Variants in PTPRO observed in about 807,000 individuals in gnomAD.
PTPRO encodes the protein protein tyrosine phosphatase receptor type O.
In PTPRO, 62 loss-of-function variants were observed where a neutral mutation model predicts 145.2. The observed-to-expected ratio is 0.43, with a 90% CI of 0.35 to 0.53. PTPRO has a LOEUF of 0.53. Ranked by LOEUF, PTPRO falls within the 20% of genes least tolerant of loss-of-function variation. The pLI, the probability that PTPRO is intolerant of heterozygous loss-of-function variation, is 0.01. For synonymous variants in PTPRO, 565 were observed against 514.7 expected, an observed-to-expected ratio of 1.10 and a Z score of -1.32; for missense variants, 1,345 against 1,482.7, an observed-to-expected ratio of 0.91 and a Z score of 1.53.
chr12:15,463,158 A>G (rs758742632), intron 1 of PTPRO, among the ~76,000 whole-genome samples: 1 of 152,170 alleles, frequency 6.6e-6, no homozygotes, highest in Non-Finnish European at 1.5e-5. Flanking sequence ...TAAATCCTGG[A>G]TACTTATGAC....
At position 15,553,947 on chromosome 12, in the gene PTPRO, C is replaced by A. The variant is rs117329551; in HGVS notation, c.2558+2276C>A. 4.6e-3 allele frequency among the ~76,000 whole-genome samples: 703 copies of A among 152,322 alleles called. 4 individuals carry two copies. The highest frequency in any genetic ancestry group is 0.01 in the Middle Eastern group (3 of 294). The stretch of plus-strand genomic sequence containing the variant: ...AAAGGAGTTGAGGCTATAATCCCAG[C>A]ACTTTGGGAGGCTGAGCCAGGTGGA... On this transcript the variant is annotated intron_variant, in intron 15 of 26. Coordinates refer to ENST00000281171, the MANE Select transcript of PTPRO (RefSeq NM_030667.3).
At chr12:15,566,970 G>A (rs1445749612) in intron 18 of PTPRO, among the ~76,000 whole-genome samples, 1 of 152,182 alleles carries the variant, frequency 6.6e-6, no homozygotes, top group Non-Finnish European at 1.5e-5. Flanking sequence ...AAAAACTGTT[G>A]GTTGGGTTGG....
intron 1 of PTPRO, among the ~76,000 whole-genome samples, chr12:15,334,895 T>G (rs1866712080): frequency 6.6e-6 from 1 of 152,102 alleles, no homozygotes; most frequent in African/African-American, 2.4e-5. Context: ...TCAAAATTTC[T>G]GGAAACATTT....
chr12:15,523,623 A>G (rs1182915735), intron 10 of PTPRO, among the ~76,000 whole-genome samples: 1 of 152,014 alleles, frequency 6.6e-6, no homozygotes, highest in Non-Finnish European at 1.5e-5. Flanking sequence ...AAAAATATAA[A>G]AATTAGCTGG....
intron 1 of PTPRO, among the ~76,000 whole-genome samples, chr12:15,323,893 C>G (rs1321124029): frequency 6.6e-6 from 1 of 152,042 alleles, no homozygotes; most frequent in Non-Finnish European, 1.5e-5. Context: ...TTAAGAACAG[C>G]ATTACTTTTA....
At chr12:15,418,157 G>A (rs1940034480) in intron 1 of PTPRO, among the ~76,000 whole-genome samples, 1 of 151,800 alleles carries the variant, frequency 6.6e-6, no homozygotes, top group African/African-American at 2.4e-5. Context: ...AGCATAGCTT[G>A]TTACCTCCTT....
chr12:15,462,996 ACT>A (rs957121819), intron 1 of PTPRO, among the ~76,000 whole-genome samples: 33 of 152,084 alleles, frequency 2.2e-4, no homozygotes, highest in African/African-American at 7.0e-4. Context: ...TATATATATA[ACT>A]CATCATATTA....
intron 12 of PTPRO, among the ~76,000 whole-genome samples, chr12:15,544,096 C>A (rs1943230542): frequency 6.6e-6 from 1 of 151,754 alleles, no homozygotes; most frequent in Non-Finnish European, 1.5e-5. Flanking sequence ...CCGTTGTTGA[C>A]AAAATGAAGA....
At chr12:15,446,217 A>G (rs1027671135) in intron 1 of PTPRO, among the ~76,000 whole-genome samples, 1 of 152,144 alleles carries the variant, frequency 6.6e-6, no homozygotes, top group African/African-American at 2.4e-5. Context: ...TTCAAATTAT[A>G]TGGGTTTTGT....
rs201529265 is a variant in PTPRO at position 15,497,321 on chromosome 12, T to G, written c.426T>G (p.His142Gln). Residue 142 changes from histidine (H) to glutamine (Q), a missense_variant, in exon 3 of 27, where the codon CAT becomes CAG. By Grantham distance (24) the His-to-Gln change is conservative. Coordinates refer to ENST00000281171, the MANE Select transcript of PTPRO (RefSeq NM_030667.3). ...SPETGVLFEI[H>Q]YPEKYNVFTR... ...AAACAGGAGTCCTGTTTGAAATACA[T>G]TATCCAGAAAAATATAACGTTTTCA... 7.5e-6 allele frequency: 12 copies of G among 1,605,720 alleles called. No homozygotes were observed. The highest frequency in any genetic ancestry group is 1.3e-5 in the African/African-American group (1 of 74,836).
chr12:15,445,190 G>C (rs929457151), intron 1 of PTPRO, among the ~76,000 whole-genome samples: 1 of 151,922 alleles, frequency 6.6e-6, no homozygotes, highest in Non-Finnish European at 1.5e-5. Context: ...GTTACTTCTG[G>C]GTAATGGACT....
At position 15,512,122 on chromosome 12, in the gene PTPRO, G is replaced by C. The variant is rs1354838003; in HGVS notation, c.1464+3355G>C. On this transcript the variant is annotated intron_variant, in intron 7 of 26. Coordinates refer to ENST00000281171, the MANE Select transcript of PTPRO (RefSeq NM_030667.3). ...ATGTTTTTTTGTTTGTTTGTTTTTG[G>C]GGGGGTTATTGAGATGGAGTCTTGC... is the stretch of plus-strand genomic sequence containing the variant. Among the ~76,000 whole-genome samples the C allele has an allele frequency of 4.0e-5, 6 of 151,646 alleles. No individual in the cohort carries two copies. The East Asian group carries it at 9.7e-4, about 24-fold the overall frequency.
At chr12:15,545,906 C>G (rs1033923178) in intron 12 of PTPRO, among the ~76,000 whole-genome samples, 6 of 151,632 alleles carry the variant, frequency 4.0e-5, no homozygotes, top group African/African-American at 1.5e-4. Flanking sequence ...GTCCCAGTTA[C>G]TTGGGAGTCG....
chr12:15,397,463 G>A (rs957204705), intron 1 of PTPRO, among the ~76,000 whole-genome samples: 1 of 152,092 alleles, frequency 6.6e-6, no homozygotes, highest in African/African-American at 2.4e-5. Context: ...AGAGAATGAA[G>A]ACTTACTTCA....
chr12:15,402,425 T>C (rs1412860268), intron 1 of PTPRO, among the ~76,000 whole-genome samples: 2 of 151,870 alleles, frequency 1.3e-5, no homozygotes, highest in African/African-American at 4.8e-5. Context: ...GAATTCCTCC[T>C]CAAGGTATAA....
chr12:15,447,175 A>G (rs1940923034), intron 1 of PTPRO, among the ~76,000 whole-genome samples: 1 of 152,170 alleles, frequency 6.6e-6, no homozygotes, highest in Non-Finnish European at 1.5e-5. Context: ...AACTATTATG[A>G]CAAGTGAAAT....
At chr12:15,426,444 G>A (rs573743084) in intron 1 of PTPRO, among the ~76,000 whole-genome samples, 8 of 151,928 alleles carry the variant, frequency 5.3e-5, no homozygotes, top group Admixed American at 2.6e-4. Context: ...AAAACTATTC[G>A]TGATAATATT....
intron 12 of PTPRO, among the ~76,000 whole-genome samples, chr12:15,530,224 ATAAAG>A (rs1454409548): frequency 6.6e-6 from 1 of 152,218 alleles, no homozygotes; most frequent in African/African-American, 2.4e-5. Flanking sequence ...TCCTAAGTAA[ATAAAG>A]TAAACATTAA....
At chr12:15,483,934 A>G (rs1274748479) in intron 1 of PTPRO, 40 bp from the exon 2 acceptor site, 1 of 1,596,934 alleles carries the variant, frequency 6.3e-7, no homozygotes, top group Non-Finnish European at 8.6e-7. Context: ...AATTATCTGA[A>G]TATAACCTCC....
Sources: gnomAD v4.1 joint callset for allele counts (sites outside exome capture counted in the v4.1 genomes callset) on GRCh38, gnomAD v4.1.1 for gene constraint, MANE v1.5 for transcripts, NCBI Gene and HGNC (gene_info 2026-07-23, HGNC 2026-07-21) for gene names.